Variants in PTK2B observed in about 807,000 individuals in gnomAD.
PTK2B encodes the protein protein tyrosine kinase 2 beta.
PTK2B carries 71 observed loss-of-function variants against 142.9 expected under a neutral mutation model. The ratio of observed to expected loss-of-function variants is 0.50; its 90% CI spans 0.41 to 0.61. The LOEUF (loss-of-function observed/expected upper bound fraction) is 0.61, where lower values mean the gene tolerates loss of function less well. PTK2B is among the 20% of genes least tolerant of loss of function. The probability of loss-of-function intolerance (pLI) is 0.00; values close to 1 mark genes in which losing one functional copy is unlikely to be tolerated. For missense variants in PTK2B, 1,105 were observed against 1,320.4 expected, an observed-to-expected ratio of 0.84 and a Z score of 2.53; for synonymous variants, 519 against 503.4, an observed-to-expected ratio of 1.03 and a Z score of -0.42.
At chr8:27,427,674 G>A (rs1358183146) in intron 5 of PTK2B, among the ~76,000 whole-genome samples, 1 of 152,310 alleles carries the variant, frequency 6.6e-6, no homozygotes, top group Admixed American at 6.5e-5. Flanking sequence ...TCTTATTAAT[G>A]TGGAGGCTGA....
intron 5 of PTK2B, among the ~76,000 whole-genome samples, chr8:27,427,592 G>A (rs139689496): frequency 3.3e-3 from 506 of 152,318 alleles, no homozygotes; most frequent in Non-Finnish European, 6.0e-3. Context: ...AGTTACCTAG[G>A]AGTATATTTT....
intron 1 of PTK2B, among the ~76,000 whole-genome samples, chr8:27,384,693 A>T (rs1204568756): frequency 6.6e-6 from 1 of 152,208 alleles, no homozygotes. Context: ...TTTTATAAAG[A>T]ATCACCTGAG....
chr8:27,382,783 T>A (rs1054199634), intron 1 of PTK2B, among the ~76,000 whole-genome samples: 1 of 152,200 alleles, frequency 6.6e-6, no homozygotes, highest in Non-Finnish European at 1.5e-5. Context: ...TTATTCAGAT[T>A]TTTCAGCACC....
chr8:27,336,688 A>T (rs1804084880), intron 1 of PTK2B, among the ~76,000 whole-genome samples: 1 of 152,226 alleles, frequency 6.6e-6, no homozygotes, highest in Admixed American at 6.5e-5. Context: ...GAAACATTGT[A>T]ACTGTTCACT....
intron 1 of PTK2B, among the ~76,000 whole-genome samples, chr8:27,378,720 GAAA>G (rs1806829540): frequency 6.6e-6 from 1 of 151,654 alleles, no homozygotes; most frequent in South Asian, 2.1e-4. Flanking sequence ...TGGGGCTCCT[GAAA>G]ACTGGGGTGT....
intron 1 of PTK2B, among the ~76,000 whole-genome samples, chr8:27,371,338 G>A (rs576079558): frequency 6.6e-5 from 10 of 152,220 alleles, no homozygotes; most frequent in Admixed American, 1.3e-4. Context: ...TGCCAAGGTC[G>A]GCGGCTGGAG....
Position 27,431,005 on chromosome 8 carries a change from T to A in PTK2B, c.799T>A (p.Cys267Ser). Residue 267 changes from cysteine (C) to serine (S), a missense_variant, in exon 8 of 31, where the codon TGT (cysteine) becomes AGT (serine). Physicochemically the swap from Cys to Ser is moderately radical, Grantham distance 112 (BLOSUM62 -1). Coordinates refer to ENST00000346049, the MANE Select transcript of PTK2B (RefSeq NM_173176.3). ...FANIDQETYR[C>S]ELIQGWNITV... ...CAACATCGACCAGGAGACCTACCGCTGTGAACTCATTGTAATGGCGGGCTC... is the reference window on the plus strand; with the variant it reads ...CAACATCGACCAGGAGACCTACCGCAGTGAACTCATTGTAATGGCGGGCTC... The A allele has an allele frequency of 2.5e-6, 4 of 1,613,706 alleles. No individual in the cohort carries two copies. The highest frequency in any genetic ancestry group is 3.4e-6 in the Non-Finnish European group (4 of 1,179,762).
At chr8:27,409,052 G>T (rs1808895758) in intron 2 of PTK2B, among the ~76,000 whole-genome samples, 1 of 152,106 alleles carries the variant, frequency 6.6e-6, no homozygotes, top group Non-Finnish European at 1.5e-5. Flanking sequence ...ATCTCCCCGT[G>T]TGCATGTCTC....
intron 1 of PTK2B, among the ~76,000 whole-genome samples, chr8:27,394,192 C>G (rs746768556): frequency 2.0e-5 from 3 of 152,088 alleles, no homozygotes; most frequent in Non-Finnish European, 2.9e-5. Context: ...GTCCTGGTTC[C>G]TAGAGTTTCC....
At chr8:27,388,281 G>C (rs1807495975) in intron 1 of PTK2B, among the ~76,000 whole-genome samples, 1 of 152,210 alleles carries the variant, frequency 6.6e-6, no homozygotes, top group South Asian at 2.1e-4. Flanking sequence ...TGCAGGAGTT[G>C]GAGGTTGAGA....
At chr8:27,427,654 C>T (rs1303249160) in intron 5 of PTK2B, among the ~76,000 whole-genome samples, 2 of 152,182 alleles carry the variant, frequency 1.3e-5, no homozygotes, top group African/African-American at 4.8e-5. Context: ...CCTATAATCA[C>T]CCAGAGGTGT....
intron 1 of PTK2B, among the ~76,000 whole-genome samples, chr8:27,326,094 G>C (rs1335458087): frequency 3.9e-5 from 6 of 152,078 alleles, no homozygotes; most frequent in Non-Finnish European, 7.4e-5. Context: ...GCAGCCCCAG[G>C]GGTTATAGTC....
At chr8:27,393,019 G>A (rs1424410262) in intron 1 of PTK2B, among the ~76,000 whole-genome samples, 2 of 152,212 alleles carry the variant, frequency 1.3e-5, no homozygotes, top group East Asian at 3.8e-4. Context: ...CGTGGAGTTT[G>A]TGCCGCCCTT....
rs375792772 is a variant in PTK2B, at chr8:27,358,923, A to G, written c.-38+33242A>G. Among the ~76,000 whole-genome samples the G allele has an allele frequency of 3.3e-5, 5 of 152,294 alleles. No individual in the cohort carries two copies. The South Asian group carries it at 6.2e-4, about 19-fold the overall frequency. On this transcript the variant is annotated intron_variant, in intron 1 of 30. Coordinates refer to ENST00000346049, the MANE Select transcript of PTK2B (RefSeq NM_173176.3). ...TTAAGGTCTAACATTAATCAATATC[A>G]TTATCCTCCTTACCAAATTGGAAGG...
intron 1 of PTK2B, among the ~76,000 whole-genome samples, chr8:27,331,459 G>GT (rs984835713): frequency 3.4e-4 from 35 of 103,722 alleles, no homozygotes; most frequent in Non-Finnish European, 7.2e-4. Context: ...TCATTTTCTG[G>GT]TTTTTTTTTT....
chr8:27,323,324 G>A (rs530830774), upstream of PTK2B: 10 of 152,330 alleles, frequency 6.6e-5, no homozygotes, highest in African/African-American at 2.4e-4. Flanking sequence ...ATAGACCTGA[G>A]TTTGGGGTAA....
intron 2 of PTK2B, among the ~76,000 whole-genome samples, chr8:27,408,281 T>A (rs759612465): frequency 5.9e-5 from 9 of 152,206 alleles, no homozygotes; most frequent in Non-Finnish European, 8.8e-5. Flanking sequence ...TTATCTGACC[T>A]ACATTGTTGG....
intron 1 of PTK2B, among the ~76,000 whole-genome samples, chr8:27,337,885 G>C (rs532007441): frequency 6.6e-6 from 1 of 152,186 alleles, no homozygotes; most frequent in Admixed American, 6.5e-5. Context: ...ATAGACTTAA[G>C]AGTGGAGTTG....
At position 27,434,530 on chromosome 8, in the gene PTK2B, G is replaced by A. The variant is rs148998768; in HGVS notation, c.1163G>A (p.Arg388Gln). ...TCCTACAGAAACCTGGAGGCCCGGC[G>A]GTCCCACCTCTCAGAGAGCTGCAGC... Reference protein sequence around the residue: ...QIPMLNLEARRSHLSESCSIE... With the variant: ...QIPMLNLEARQSHLSESCSIE... Residue 388 changes from arginine to glutamine, a missense_variant, in exon 13 of 31, where the codon CGG (arginine) becomes CAG (glutamine). By Grantham distance (43) the Arg-to-Gln change is conservative. Transcript: ENST00000346049. The A allele has an allele frequency of 4.5e-4, 727 of 1,608,796 alleles. 5 individuals are homozygous for A. In the African/African-American group the frequency reaches 8.8e-3, roughly 20 times the overall value.
Sources: allele counts gnomAD v4.1 joint callset (sites outside exome capture counted in the v4.1 genomes callset), GRCh38; gene constraint gnomAD v4.1.1; transcripts MANE v1.5; gene names NCBI Gene and HGNC (gene_info 2026-07-23, HGNC 2026-07-21).